OTOF: variants seen among roughly 807,000 people sequenced by gnomAD.
The protein encoded by OTOF is fer-1-like family member 2.
In OTOF, 218 loss-of-function variants were observed where a neutral mutation model predicts 236.8. The observed-to-expected ratio is 0.92, with a 90% CI of 0.82 to 1.03. The LOEUF (loss-of-function observed/expected upper bound fraction) is 1.03, where lower values mean the gene tolerates loss of function less well. Ranked by LOEUF, OTOF falls within the 50% of genes least tolerant of loss-of-function variation. OTOF has a pLI of 0.00. For missense variants in OTOF, 2,590 were observed against 2,694.4 expected, an observed-to-expected ratio of 0.96 and a Z score of 0.86; for synonymous variants, 1,041 against 1,072.5, an observed-to-expected ratio of 0.97 and a Z score of 0.57.
At chr2:26,491,071 A>G (rs1043915943) in intron 9 of OTOF, among the ~76,000 whole-genome samples, 1 of 152,152 alleles carries the variant, frequency 6.6e-6, no homozygotes, top group Non-Finnish European at 1.5e-5. Flanking sequence ...TCAGGGCTCC[A>G]AGAAGACACA....
At chr2:26,530,025 C>T (rs556298228) in intron 2 of OTOF, among the ~76,000 whole-genome samples, 2 of 152,166 alleles carry the variant, frequency 1.3e-5, no homozygotes, top group South Asian at 4.2e-4. Context: ...TAAAGCAGCC[C>T]AGGAAGGCCC....
intron 1 of OTOF, among the ~76,000 whole-genome samples, chr2:26,547,106 T>C (rs1296758181): frequency 1.3e-5 from 2 of 152,192 alleles, no homozygotes; most frequent in African/African-American, 2.4e-5. Context: ...CTGAATTAAG[T>C]ATAATGTTAG....
In OTOF at chr2:26,461,791, G is replaced by T; in HGVS notation, c.5438C>A (p.Ser1813Tyr). 1 of 1,614,174 alleles carries T rather than the reference G, an allele frequency of 6.2e-7. No homozygotes were observed. The highest frequency in any genetic ancestry group is 2.2e-5 in the East Asian group (1 of 44,874). Residue 1813 changes from serine (S) to tyrosine (Y), a missense_variant, in exon 43 of 47, where the codon TCC becomes TAC. Coordinates refer to ENST00000272371, the MANE Select transcript of OTOF (RefSeq NM_194248.3). The surrounding 1 kb of genome is among the most constrained non-coding windows in gnomAD (Gnocchi z 6.2). The stretch of plus-strand genomic sequence containing the variant: ...CTCGGTCTCGTCCCAGGAGAACATG[G>T]ACTCCTTCTTGGAGATGACGATCTT... Reference protein sequence around the residue: ...EEKIVISKKESMFSWDETEYK... With the variant: ...EEKIVISKKEYMFSWDETEYK...
chr2:26,473,915 G>A lies in OTOF; in HGVS notation c.3408+76C>T, dbSNP rs2148043161. On this transcript the variant is annotated intron_variant, in intron 27 of 46. Coordinates refer to ENST00000272371, the MANE Select transcript of OTOF (RefSeq NM_194248.3). This position sits in a 1 kb window ranked among gnomAD's most constrained non-coding sequence, Gnocchi z 7.2. Reference sequence around the variant, plus strand: ...GCTCCTGGTGATGGTGGTGGGAGGGGGATGACAAGCCACTTCCCCTCCTGG... The same window carrying A: ...GCTCCTGGTGATGGTGGTGGGAGGGAGATGACAAGCCACTTCCCCTCCTGG... 23 of 1,582,726 alleles carry A rather than the reference G, an allele frequency of 1.5e-5. No individual in the cohort carries two copies. In the South Asian group the frequency reaches 2.4e-4, roughly 17 times the overall value.
Position 26,472,557 on chromosome 2 carries a change from G to T in OTOF, c.3826C>A (p.Pro1276Thr), listed in dbSNP as rs780946755. 6.2e-7 allele frequency: 1 copy of T among 1,613,510 alleles called. No individual in the cohort carries two copies. Among genetic ancestry groups the T allele is most frequent in the Non-Finnish European group, 8.5e-7 (1 of 1,180,026 alleles). Residue 1276 changes from proline (P) to threonine (T), a missense_variant, in exon 30 of 47, where the codon CCC (proline) becomes ACC (threonine). Pro to Thr is a conservative substitution (Grantham distance 38). Transcript: ENST00000272371. ...EVVVTMEPEV[P>T]IKKLETMVKL... The stretch of plus-strand genomic sequence containing the variant: ...ACCATGGTCTCCAGTTTCTTGATGG[G>T]TACCTCTGGCTCCATAGTCACCACA...
rs1449484906 is a variant in OTOF at position 26,483,451 on chromosome 2, T to C, written c.1392+11A>G. The C allele has an allele frequency of 6.2e-7, 1 of 1,613,118 alleles. No homozygotes were observed. Among genetic ancestry groups the C allele is most frequent in the South Asian group, 1.1e-5 (1 of 91,072 alleles). On this transcript the variant is annotated intron_variant, in intron 13 of 46. Coordinates refer to ENST00000272371, the MANE Select transcript of OTOF (RefSeq NM_194248.3). ...CCCAGCCCCAGCCTCCTGTACCTCA[T>C]ACCCCAGTACCTTCTGGCCAGCAAA... is the stretch of plus-strand genomic sequence containing the variant.
chr2:26,466,896 G>C lies in OTOF; in HGVS notation c.4363-45C>G, dbSNP rs368927376. 1.1e-5 allele frequency: 18 copies of C among 1,613,632 alleles called. No homozygotes were observed. In the African/African-American group the frequency reaches 1.9e-4, roughly 17 times the overall value. On this transcript the variant is annotated intron_variant, in intron 35 of 46. Transcript: ENST00000272371. Reference sequence around the variant, plus strand: ...GTCAGGGTGTAGGTTTGCCTGGCAAGGGTGGCATTCAAAATAGCTAACAGC... The same window carrying C: ...GTCAGGGTGTAGGTTTGCCTGGCAACGGTGGCATTCAAAATAGCTAACAGC...
intron 5 of OTOF, among the ~76,000 whole-genome samples, chr2:26,506,855 G>T (rs976091240): frequency 6.6e-6 from 1 of 152,156 alleles, no homozygotes; most frequent in Non-Finnish European, 1.5e-5. Flanking sequence ...GCTGGGTGTG[G>T]TGGCACATGC....
At chr2:26,480,719 A>G (rs1665514714) in intron 15 of OTOF, 67 bp downstream of exon 15, 1 of 1,323,928 alleles carries the variant, frequency 7.6e-7, no homozygotes, top group Non-Finnish European at 1.1e-6. Context: ...CCTGGGACCC[A>G]GGTGACTCAG....
At chr2:26,524,200 A>G (rs1396362629) in intron 3 of OTOF, among the ~76,000 whole-genome samples, 1 of 152,208 alleles carries the variant, frequency 6.6e-6, no homozygotes, top group Non-Finnish European at 1.5e-5. Flanking sequence ...CTTCCTTCTT[A>G]TTGGCACTTA....
chr2:26,523,469 G>T (rs1011763535), intron 3 of OTOF, among the ~76,000 whole-genome samples: 1 of 152,136 alleles, frequency 6.6e-6, no homozygotes, highest in South Asian at 2.1e-4. Flanking sequence ...GATGGGATCA[G>T]GCTCATTTCT....
Position 26,516,499 on chromosome 2 carries a change from T to A in OTOF, c.428A>T (p.Glu143Val). The change falls in exon 5 of 47, where the codon GAG (glutamate) becomes GTG (valine). Residue 143 changes from glutamate to valine, a missense_variant. Coordinates refer to ENST00000272371, the MANE Select transcript of OTOF (RefSeq NM_194248.3). ...FLGDESLQEE[E>V]KDSQETDGLL... is the part of the protein sequence containing the mutation. ...TCCATCCGTCTCTTGGCTGTCCTTC[T>A]CTTCCTCTTGAAGAGACTCATCTCC... 1 of 1,613,784 alleles carries A rather than the reference T, an allele frequency of 6.2e-7. No homozygotes were observed. The highest frequency in any genetic ancestry group is 8.5e-7 in the Non-Finnish European group (1 of 1,180,000).
chr2:26,475,989 G>A lies in OTOF; in HGVS notation c.2916C>T (p.Leu972=). The A allele has an allele frequency of 6.2e-7, 1 of 1,612,680 alleles. No homozygotes were observed. The highest frequency in any genetic ancestry group is 1.3e-5 in the African/African-American group (1 of 75,040). Residue 972 remains leucine (L), a synonymous_variant, in exon 24 of 47, where the codon CTC becomes CTT. Transcript: ENST00000272371. ...AGAGTCCGCTGCTGTCGGCGGCAAA[G>A]AGGCTGCGGGCCTGGTACATGTGCG... is the stretch of plus-strand genomic sequence containing the variant. ...LRAHMYQARS[L]FAADSSGLSD... is the part of the protein sequence containing the mutation.
rs910830905 is a variant in OTOF, at chr2:26,473,840, G to A, written c.3408+151C>T. ...CTGGGACATGGGAGTGCGACTTGGTGCAGATGGGGGCAGGCCCTGGGCTGG... is the reference window on the plus strand; with the variant it reads ...CTGGGACATGGGAGTGCGACTTGGTACAGATGGGGGCAGGCCCTGGGCTGG... On this transcript the variant is annotated intron_variant, in intron 27 of 46. Transcript: ENST00000272371. The surrounding 1 kb of genome is among the most constrained non-coding windows in gnomAD (Gnocchi z 7.2). 5 of 1,068,890 alleles carry A rather than the reference G, an allele frequency of 4.7e-6. No individual in the cohort carries two copies. The highest frequency in any genetic ancestry group is 1.6e-5 in the African/African-American group (1 of 64,132). The allele number at this position is 1,068,890 out of a possible 1,614,324, so 66.2% of individuals were successfully genotyped here. A position where few individuals can be genotyped will look rare whatever the true frequency, so the allele number is the denominator to read the frequency against.
chr2:26,535,908 CGCTGGGCATGGAAAAGG>C (rs1310557539), intron 2 of OTOF, among the ~76,000 whole-genome samples: 8 of 152,178 alleles, frequency 5.3e-5, no homozygotes, highest in Non-Finnish European at 8.8e-5. Context: ...GTGTCCAAGG[CGCTGGGCATGGAAAAGG>C]GTGGCAGTGC....
At chr2:26,539,679 G>T (rs552637838) in intron 1 of OTOF, among the ~76,000 whole-genome samples, 104 of 152,290 alleles carry the variant, frequency 6.8e-4, no homozygotes, top group Non-Finnish European at 1.3e-3. Flanking sequence ...AGGTTGTGGT[G>T]GGCCGAGATT....
intron 3 of OTOF, among the ~76,000 whole-genome samples, chr2:26,521,334 G>C (rs1418180162): frequency 6.6e-6 from 1 of 152,192 alleles, no homozygotes; most frequent in Non-Finnish European, 1.5e-5. Context: ...GAACAGCCAA[G>C]GCAGCTCCCC....
intron 9 of OTOF, among the ~76,000 whole-genome samples, chr2:26,493,519 C>G (rs1274568322): frequency 1.3e-5 from 2 of 152,142 alleles, no homozygotes; most frequent in African/African-American, 2.4e-5. Context: ...GATGTGTGAT[C>G]AGGCATCTGG....
intron 14 of OTOF, 70 bp from the exon 15 acceptor site, chr2:26,481,079 T>C (rs1470015390): frequency 2.0e-5 from 23 of 1,176,030 alleles, no homozygotes; most frequent in Non-Finnish European, 2.9e-5. Context: ...GGGGCCTCTT[T>C]TGGGGGTCCC....
Sources: allele counts gnomAD v4.1 joint callset (sites outside exome capture counted in the v4.1 genomes callset), GRCh38; gene constraint gnomAD v4.1.1; non-coding constraint Gnocchi (gnomAD v3.1); transcripts MANE v1.5; gene names NCBI Gene and HGNC (gene_info 2026-07-23, HGNC 2026-07-21).